MDC1: variants seen among roughly 807,000 people sequenced by gnomAD.
MDC1 encodes the protein mediator of DNA damage checkpoint protein 1.
In MDC1, 81 loss-of-function variants were observed where a neutral mutation model predicts 142.5. The observed-to-expected ratio is 0.57, with a 90% CI of 0.47 to 0.68. The LOEUF is 0.68. Ranked by LOEUF, MDC1 falls within the 30% of genes least tolerant of loss-of-function variation. The probability of loss-of-function intolerance (pLI) is 0.00; values close to 1 mark genes in which losing one functional copy is unlikely to be tolerated. For synonymous variants in MDC1, 797 were observed against 968.4 expected (o/e 0.82, Z 3.29); for missense variants, 2,119 against 2,547.9 (o/e 0.83, Z 3.62).
chr6:30,701,991 G>A (rs1297427323), intron 14 of MDC1, among the ~76,000 whole-genome samples: 5 of 151,846 alleles, frequency 3.3e-5, no homozygotes, highest in Non-Finnish European at 5.9e-5. Context: ...AGCCGGGCGC[G>A]GTGGCTCACG....
At chr6:30,706,152 C>CAGTATCCAAG in intron 9 of MDC1, 54 bp from the exon 10 acceptor site, 1 of 1,408,932 alleles carries the variant, frequency 7.1e-7, no homozygotes, top group Non-Finnish European at 9.6e-7. Flanking sequence ...AGAGATAGAA[C>CAGTATCCAAG]TTGGATACTG....
Position 30,702,557 on chromosome 6 carries a change from T to A in MDC1, c.6098A>T (p.Tyr2033Phe). ...GTYLPSMPRS[Y>F]KPQRVVITCP... is the part of the protein sequence containing the mutation. The stretch of plus-strand genomic sequence containing the variant: ...CCCAGAACATCCTAAGCATACCTTA[T>A]AGGACCGAGGCATGCTGGGTAGGTA... The change falls in exon 14 of 15, where the codon TAT (tyrosine) becomes TTT (phenylalanine). Residue 2033 changes from tyrosine to phenylalanine, a missense_variant. Transcript: ENST00000376406. 6.3e-7 allele frequency: 1 copy of A among 1,580,626 alleles called. No homozygotes were observed. The highest frequency in any genetic ancestry group is 8.6e-7 in the Non-Finnish European group (1 of 1,165,912).
At chr6:30,711,042 TA>T (rs2127709557) in intron 7 of MDC1, among the ~76,000 whole-genome samples, 1 of 152,352 alleles carries the variant, frequency 6.6e-6, no homozygotes, top group South Asian at 2.1e-4. Context: ...GGGCTCACTG[TA>T]ATCAGAGTAT....
rs768323651 is a variant in MDC1 at position 30,705,467 on chromosome 6, G to A, written c.3716C>T (p.Thr1239Ile). The change falls in exon 10 of 15, where the codon ACC becomes ATC. Residue 1239 changes from threonine to isoleucine, a missense_variant. By Grantham distance (89) the Thr-to-Ile change is moderately conservative. Coordinates refer to ENST00000376406, the MANE Select transcript of MDC1 (RefSeq NM_014641.3). ...RGRKNRSSVK[T>I]PEPVVPTAPE... ...GGCTGTGGGGACAACTGGTTCAGGG[G>A]TCTTGACAGAGGATCTATTTTTTCT... The A allele has an allele frequency of 1.2e-6, 2 of 1,612,754 alleles. No individual in the cohort carries two copies. The highest frequency in any genetic ancestry group is 1.7e-5 in the Admixed American group (1 of 59,890).
chr6:30,708,985 A>G (rs762523763), intron 7 of MDC1, among the ~76,000 whole-genome samples: 2 of 137,822 alleles, frequency 1.5e-5, no homozygotes, highest in African/African-American at 3.1e-5. Context: ...TCAAAAAAAG[A>G]AAGAAAGAAA....
Position 30,705,855 on chromosome 6 carries a change from G to T in MDC1, c.3328C>A (p.Arg1110=). ...PFHPKPKIRT[R]KSSRMTPFPA... is the part of the protein sequence containing the mutation. ...AAGGGTGTCATTCTGGAGGACTTCCGAGTTCTAATTTTAGGCTTTGGGTGG... is the reference window on the plus strand; with the variant it reads ...AAGGGTGTCATTCTGGAGGACTTCCTAGTTCTAATTTTAGGCTTTGGGTGG... The change falls in exon 10 of 15, where the codon CGG becomes AGG. Residue 1110 remains arginine, a synonymous_variant. Transcript: ENST00000376406. 1 of 1,610,862 alleles carries T rather than the reference G, an allele frequency of 6.2e-7. No homozygotes were observed. The highest frequency in any genetic ancestry group is 1.1e-5 in the South Asian group (1 of 90,732).
chr6:30,712,617 A>T lies in MDC1; in HGVS notation c.1325T>A (p.Leu442Gln), dbSNP rs891804711. 1.2e-6 allele frequency: 2 copies of T among 1,612,808 alleles called. No individual in the cohort carries two copies. Among genetic ancestry groups the T allele is most frequent in the East Asian group, 2.2e-5 (1 of 44,902 alleles). ...EEDMPQRVVL[L>Q]QRSQTTTERD... is the part of the protein sequence containing the mutation. ...CTCAGTGGTGGTTTGGCTTCGCTGCAGAAGGACCACACGTTGGGGCATGTC... is the reference window on the plus strand; with the variant it reads ...CTCAGTGGTGGTTTGGCTTCGCTGCTGAAGGACCACACGTTGGGGCATGTC... The change falls in exon 5 of 15, where the codon CTG (leucine) becomes CAG (glutamine). Residue 442 changes from leucine to glutamine, a missense_variant. Coordinates refer to ENST00000376406, the MANE Select transcript of MDC1 (RefSeq NM_014641.3). This position sits in a 1 kb window ranked among gnomAD's most constrained non-coding sequence, Gnocchi z 4.7.
Position 30,704,750 on chromosome 6 carries a change from G to GTTC in MDC1, c.4430_4432dup (p.Arg1477dup). On this transcript the variant is annotated inframe_insertion, in exon 10 of 15. Coordinates refer to ENST00000376406, the MANE Select transcript of MDC1 (RefSeq NM_014641.3). ...AGGAGTCTTGACAGAGGATCTATCT[G>GTTC]TTCTTCCCCTAGTAGCCTGAGACGT... The GTTC allele has an allele frequency of 6.2e-7, 1 of 1,610,446 alleles. No homozygotes were observed. The highest frequency in any genetic ancestry group is 8.5e-7 in the Non-Finnish European group (1 of 1,178,830).
At position 30,703,483 on chromosome 6, in the gene MDC1, G is replaced by C. The variant is rs144087810; in HGVS notation, c.5617C>G (p.Pro1873Ala). ...AGGCTGCGGCTTGGTATTCTGTTGG[G>C]CTCCTCCTCTGCCTGGTCTCTCTTT... The part of the protein sequence containing the change: ...KRKRDQAEEE[P>A]NRIPSRSLRR... The change falls in exon 11 of 15, where the codon CCC becomes GCC. Residue 1873 changes from proline (P) to alanine (A), a missense_variant. Coordinates refer to ENST00000376406, the MANE Select transcript of MDC1 (RefSeq NM_014641.3). This position sits in a 1 kb window ranked among gnomAD's most constrained non-coding sequence, Gnocchi z 4.4. The C allele has an allele frequency of 1.8e-4, 286 of 1,613,770 alleles. 3 individuals carry two copies. In the South Asian group the frequency reaches 2.0e-3, roughly 11 times the overall value.
At position 30,715,631 on chromosome 6, in the gene MDC1, G is replaced by A. The variant is rs1037107150; in HGVS notation, c.-3-453C>T. Among the ~76,000 whole-genome samples the A allele has an allele frequency of 7.9e-5, 12 of 152,166 alleles. No homozygotes were observed. Among genetic ancestry groups the A allele is most frequent in the East Asian group, 1.9e-4 (1 of 5,202 alleles). On this transcript the variant is annotated intron_variant, in intron 1 of 14. Coordinates refer to ENST00000376406, the MANE Select transcript of MDC1 (RefSeq NM_014641.3). The surrounding 1 kb of genome is among the most constrained non-coding windows in gnomAD (Gnocchi z 4.1). The stretch of plus-strand genomic sequence containing the variant: ...TGGGATTACAGGCGTGAGCCACTGC[G>A]CCCCGTTGTTTTTCTTTCTTTTTTA...
rs1339395551 is a variant in MDC1 at position 30,711,415 on chromosome 6, T to C, written c.2218A>G (p.Thr740Ala). The change falls in exon 7 of 15, where the codon ACA (threonine) becomes GCA (alanine). Residue 740 changes from threonine to alanine, a missense_variant. Physicochemically the swap from Thr to Ala is moderately conservative, Grantham distance 58 (BLOSUM62 0). Transcript: ENST00000376406. ...AGGAGGGAAGAGTTTCTTATACCTG[T>C]TGTCTGGAAGCTGCAATGGGAAGGG... Reference protein sequence around the residue: ...LGPSHCSFQTTGTLDEPWEVL... With the variant: ...LGPSHCSFQTAGTLDEPWEVL... 3 of 1,612,612 alleles carry C rather than the reference T, an allele frequency of 1.9e-6. No individual in the cohort carries two copies. Among genetic ancestry groups the C allele is most frequent in the Non-Finnish European group, 2.5e-6 (3 of 1,179,714 alleles).
intron 7 of MDC1, 109 bp downstream of exon 7, chr6:30,711,303 G>T: frequency 1.0e-6 from 1 of 955,128 alleles, no homozygotes; most frequent in Non-Finnish European, 1.6e-6. Context: ...CCTGGGAGGC[G>T]GAGGTTACAG....
Position 30,700,443 on chromosome 6 carries a change from A to G in MDC1, c.*22T>C. On this transcript the variant is annotated 3_prime_UTR_variant, in exon 15 of 15. Transcript: ENST00000376406. ...CATATCTTCTAATTCGTGGTCTGGG[A>G]GGGAAAAGGGTAGTGGAGTTCTCAG... 6.3e-7 allele frequency: 1 copy of G among 1,595,754 alleles called. No individual in the cohort carries two copies. The highest frequency in any genetic ancestry group is 1.1e-5 in the South Asian group (1 of 90,352).
Position 30,713,469 on chromosome 6 carries a change from C to T in MDC1, c.588-115G>A. 7.5e-7 allele frequency: 1 copy of T among 1,339,376 alleles called. No individual in the cohort carries two copies. The highest frequency in any genetic ancestry group is 1.5e-5 in the African/African-American group (1 of 68,080). 83.0% of individuals were successfully genotyped at this position (1,339,376 alleles called of 1,614,324 possible). A position where few individuals can be genotyped will look rare whatever the true frequency, so the allele number is the denominator to read the frequency against. On this transcript the variant is annotated intron_variant, in intron 4 of 14. Transcript: ENST00000376406. This position sits in a 1 kb window ranked among gnomAD's most constrained non-coding sequence, Gnocchi z 4.9. ...AGGTAGCATATTTCTTCTTCTGTTT[C>T]CAATTTGTTTTCCACTTGGCACATC...
At chr6:30,707,041 G>A (rs958617173) in intron 9 of MDC1, among the ~76,000 whole-genome samples, 1 of 152,144 alleles carries the variant, frequency 6.6e-6, no homozygotes, top group African/African-American at 2.4e-5. Context: ...ATTAGACTGG[G>A]ATCTACCTGG....
chr6:30,716,227 C>CT lies in MDC1; in HGVS notation c.-4+1017dup, dbSNP rs113041889. Among the ~76,000 whole-genome samples, 2,211 of 144,360 alleles carry CT rather than the reference C, an allele frequency of 0.015. 24 individuals carry two copies. The highest frequency in any genetic ancestry group is 0.023 in the East Asian group (117 of 5,022). The allele number at this position is 144,360 out of a possible 152,430, so 94.7% of individuals were successfully genotyped here. A position where few individuals can be genotyped will look rare whatever the true frequency, so the allele number is the denominator to read the frequency against. ...ATTCAGTTCAAATGTCACTTTCTTT[C>CT]TTTTTTTTTTTTTTGAGATGGAATC... On this transcript the variant is annotated intron_variant, in intron 1 of 14. Transcript: ENST00000376406. The surrounding 1 kb of genome is among the most constrained non-coding windows in gnomAD (Gnocchi z 4.4).
At chr6:30,706,143 GAGAT>G (rs779721943) in intron 9 of MDC1, 45 bp from the exon 10 acceptor site, 1 of 1,457,006 alleles carries the variant, frequency 6.9e-7, no homozygotes, top group African/African-American at 1.4e-5. Context: ...GTGGAGAAAA[GAGAT>G]AGAACTTGGA....
intron 9 of MDC1, among the ~76,000 whole-genome samples, chr6:30,706,835 T>C (rs1446989657): frequency 6.9e-6 from 1 of 145,276 alleles, no homozygotes; most frequent in Non-Finnish European, 1.5e-5. Flanking sequence ...CCGGGTGACA[T>C]GCGCCTGTAG....
At position 30,712,874 on chromosome 6, in the gene MDC1, T is replaced by C. The variant is rs1409969462; in HGVS notation, c.1068A>G (p.Val356=). Residue 356 remains valine (V), a synonymous_variant, in exon 5 of 15, where the codon GTA becomes GTG. Coordinates refer to ENST00000376406, the MANE Select transcript of MDC1 (RefSeq NM_014641.3). This position sits in a 1 kb window ranked among gnomAD's most constrained non-coding sequence, Gnocchi z 4.7. ...CTGGTGCTCCAGGACCCCTTGTACCTACTCCATGGAAGATCTTCCTCTTCT... is the reference window on the plus strand; with the variant it reads ...CTGGTGCTCCAGGACCCCTTGTACCCACTCCATGGAAGATCTTCCTCTTCT... ...PMKKRKIFHG[V]GTRGPGAPGL... 11 of 1,613,088 alleles carry C rather than the reference T, an allele frequency of 6.8e-6. No individual in the cohort carries two copies. Among genetic ancestry groups the C allele is most frequent in the Non-Finnish European group, 8.5e-6 (10 of 1,180,032 alleles).
Sources: allele counts gnomAD v4.1 joint callset (sites outside exome capture counted in the v4.1 genomes callset), GRCh38; gene constraint gnomAD v4.1.1; non-coding constraint Gnocchi (gnomAD v3.1); transcripts MANE v1.5; gene names NCBI Gene and HGNC (gene_info 2026-07-23, HGNC 2026-07-21).